The following GADL1 variants were observed in gnomAD, a reference collection of about 807,000 sequenced individuals.
The protein encoded by GADL1 is GAD like acidic amino acid decarboxylase 1, also known as acidic amino acid decarboxylase GADL1.
GADL1 carries 71 observed loss-of-function variants against 69.5 expected under a neutral mutation model. The ratio of observed to expected loss-of-function variants is 1.02; its 90% CI spans 0.84 to 1.25. The LOEUF is 1.25. Ranked by LOEUF, GADL1 falls within the 50% of genes most tolerant of loss-of-function variation. The probability of loss-of-function intolerance (pLI) is 0.00; values close to 1 mark genes in which losing one functional copy is unlikely to be tolerated. For missense variants in GADL1, 737 were observed against 631.8 expected (o/e 1.17, Z -1.79); for synonymous variants, 254 against 214.4 (o/e 1.18, Z -1.62).
intron 14 of GADL1, among the ~76,000 whole-genome samples, chr3:30,745,146 A>G (rs901773479): frequency 3.9e-5 from 6 of 152,224 alleles, no homozygotes; most frequent in African/African-American, 1.4e-4. Context: ...CAAGTGCTTA[A>G]TGAATTCCAG....
rs117009209 is a variant in GADL1, at chr3:30,751,605, A to G, written c.1393-23190T>C. Reference sequence around the variant, plus strand: ...AGAACTTGAGTGGAGGTATCTATAGAAGATAGGCTAATGTGAAAACTGAAA... The same window carrying G: ...AGAACTTGAGTGGAGGTATCTATAGGAGATAGGCTAATGTGAAAACTGAAA... On this transcript the variant is annotated intron_variant, in intron 14 of 14. Transcript: ENST00000282538. 1.1e-3 allele frequency among the ~76,000 whole-genome samples: 166 copies of G among 152,114 alleles called. 6 individuals are homozygous for G. In the East Asian group the frequency reaches 0.029, roughly 27 times the overall value.
intron 1 of GADL1, among the ~76,000 whole-genome samples, chr3:30,865,241 C>A (rs1293718777): frequency 6.6e-6 from 1 of 151,370 alleles, no homozygotes; most frequent in East Asian, 1.9e-4. Flanking sequence ...GCTTTGATTC[C>A]AGAGCAGTGA....
At chr3:30,825,207 T>C (rs1697663012) in intron 11 of GADL1, among the ~76,000 whole-genome samples, 1 of 151,960 alleles carries the variant, frequency 6.6e-6, no homozygotes, top group African/African-American at 2.4e-5. Context: ...TGATATTTTT[T>C]CTGTGGGCAT....
At chr3:30,752,509 A>G (rs975664960) in intron 14 of GADL1, among the ~76,000 whole-genome samples, 3 of 151,894 alleles carry the variant, frequency 2.0e-5, no homozygotes, top group Admixed American at 2.0e-4. Flanking sequence ...CCTGGCGATG[A>G]GGATGCTGTG....
intron 9 of GADL1, among the ~76,000 whole-genome samples, chr3:30,838,676 C>G (rs1248853169): frequency 1.3e-5 from 2 of 152,088 alleles, no homozygotes; most frequent in Non-Finnish European, 2.9e-5. Context: ...GAATTTCAAA[C>G]CAAAGTCTCT....
chr3:30,781,620 TAA>T (rs1374714050), intron 13 of GADL1, among the ~76,000 whole-genome samples: 2 of 152,334 alleles, frequency 1.3e-5, no homozygotes, highest in East Asian at 3.9e-4. Flanking sequence ...CAAAAAAGCC[TAA>T]GTTTTGGAGT....
chr3:30,839,720 G>A (rs1697936224), intron 8 of GADL1, among the ~76,000 whole-genome samples: 1 of 152,068 alleles, frequency 6.6e-6, no homozygotes, highest in African/African-American at 2.4e-5. Context: ...ATTGGCATGT[G>A]CTGGAAAAGA....
rs776285213 is a variant in GADL1, at chr3:30,861,658, C to T, written c.145G>A (p.Val49Ile). Residue 49 changes from valine (V) to isoleucine (I), a missense_variant, in exon 2 of 15, where the codon GTT becomes ATT. By Grantham distance (29) the Val-to-Ile change is conservative (BLOSUM62 3). Transcript: ENST00000282538. ...TTDAKAGEKF[V>I]EEACRLIMEE... ...ATTATTAGCCTACAGGCCTCTTCAACAAATTTTTCTCCAGCTTTTGCATCT... is the reference window on the plus strand; with the variant it reads ...ATTATTAGCCTACAGGCCTCTTCAATAAATTTTTCTCCAGCTTTTGCATCT... The T allele has an allele frequency of 3.9e-6, 6 of 1,550,356 alleles. No individual in the cohort carries two copies. The East Asian group carries it at 9.8e-5, about 25-fold the overall frequency.
chr3:30,759,795 T>C (rs1236418042), intron 14 of GADL1, among the ~76,000 whole-genome samples: 2 of 152,234 alleles, frequency 1.3e-5, no homozygotes, highest in Non-Finnish European at 2.9e-5. Flanking sequence ...AACTGTAGCA[T>C]AGTCTCCAAT....
At chr3:30,773,850 A>T (rs903588490) in intron 14 of GADL1, among the ~76,000 whole-genome samples, 1 of 152,200 alleles carries the variant, frequency 6.6e-6, no homozygotes, top group Non-Finnish European at 1.5e-5. Context: ...GTTGCTTTTC[A>T]GAAAAATGGT....
At chr3:30,820,174 T>C (rs1697546664) in intron 11 of GADL1, among the ~76,000 whole-genome samples, 1 of 151,942 alleles carries the variant, frequency 6.6e-6, no homozygotes, top group South Asian at 2.1e-4. Flanking sequence ...ACAGAAAATC[T>C]GTTAACATAA....
At chr3:30,875,842 T>A (rs562687365) in intron 1 of GADL1, among the ~76,000 whole-genome samples, 2 of 151,992 alleles carry the variant, frequency 1.3e-5, no homozygotes, top group East Asian at 3.9e-4. Flanking sequence ...TCTCTTCTCA[T>A]CTAGATGCTT....
chr3:30,844,808 T>C (rs913751223), intron 6 of GADL1, among the ~76,000 whole-genome samples: 1 of 152,090 alleles, frequency 6.6e-6, no homozygotes. Context: ...TAATAATATA[T>C]GTAGAGGGCT....
chr3:30,835,863 T>C (rs895534705), intron 9 of GADL1, among the ~76,000 whole-genome samples: 1 of 152,022 alleles, frequency 6.6e-6, no homozygotes, highest in South Asian at 2.1e-4. Flanking sequence ...TCCTGCTGCA[T>C]TTCCTCCCTT....
chr3:30,873,538 C>G (rs1469631195), intron 1 of GADL1, among the ~76,000 whole-genome samples: 1 of 151,870 alleles, frequency 6.6e-6, no homozygotes, highest in African/African-American at 2.4e-5. Flanking sequence ...ATCAACCACA[C>G]TAAACTATTT....
At chr3:30,886,458 C>G (rs993136363) in intron 1 of GADL1, among the ~76,000 whole-genome samples, 5 of 152,048 alleles carry the variant, frequency 3.3e-5, no homozygotes, top group African/African-American at 9.7e-5. Context: ...TTATAAAGAA[C>G]AAACTATGGA....
At chr3:30,814,940 G>T (rs1245515930) in intron 11 of GADL1, among the ~76,000 whole-genome samples, 1 of 151,400 alleles carries the variant, frequency 6.6e-6, no homozygotes, top group Non-Finnish European at 1.5e-5. Context: ...CTCCAGCCTG[G>T]GTGACAGAGC....
At chr3:30,782,147 G>A (rs906042441) in intron 13 of GADL1, among the ~76,000 whole-genome samples, 2 of 152,164 alleles carry the variant, frequency 1.3e-5, no homozygotes, top group Admixed American at 6.6e-5. Flanking sequence ...AGGACTTCTC[G>A]TATGATGTAC....
At chr3:30,804,530 A>C (rs1173958584) in intron 11 of GADL1, among the ~76,000 whole-genome samples, 1 of 151,506 alleles carries the variant, frequency 6.6e-6, no homozygotes, top group East Asian at 2.0e-4. Context: ...CCCCACCCCG[A>C]TATCTCCCTT....
Sources: gnomAD v4.1 joint callset for allele counts (sites outside exome capture counted in the v4.1 genomes callset) on GRCh38, gnomAD v4.1.1 for gene constraint, MANE v1.5 for transcripts, NCBI Gene and HGNC (gene_info 2026-07-23, HGNC 2026-07-21) for gene names.